Variants in RAD51B observed in about 807,000 individuals in gnomAD.
RAD51B encodes the protein DNA repair protein RAD51 homolog 2.
RAD51B carries 38 observed loss-of-function variants against 42.2 expected under a neutral mutation model. The ratio of observed to expected loss-of-function variants is 0.90; its 90% confidence interval spans 0.70 to 1.18. RAD51B has a LOEUF of 1.18. Among genes scored for constraint, RAD51B ranks in the 50% most tolerant of loss-of-function variants. The probability of loss-of-function intolerance (pLI) is 0.00; values close to 1 mark genes in which losing one functional copy is unlikely to be tolerated. For missense variants in RAD51B, 373 were observed against 400.7 expected (o/e 0.93, Z 0.59); for synonymous variants, 154 against 145.2 (o/e 1.06, Z -0.43).
intron 10 of RAD51B, among the ~76,000 whole-genome samples, chr14:68,641,744 A>C (rs1354547253): frequency 6.6e-6 from 1 of 152,010 alleles, no homozygotes; most frequent in Non-Finnish European, 1.5e-5. Flanking sequence ...AAAAAAATAC[A>C]GAGACAGGGT....
downstream of RAD51B, chr14:68,611,585 A>T: frequency 2.6e-6 from 1 of 384,642 alleles, no homozygotes; most frequent in East Asian, 4.3e-5. Flanking sequence ...ATATAGAAAT[A>T]AAACAAATCA....
At chr14:68,158,694 G>A (rs112521753) in intron 7 of RAD51B, among the ~76,000 whole-genome samples, 6 of 152,270 alleles carry the variant, frequency 3.9e-5, no homozygotes, top group African/African-American at 9.6e-5. Flanking sequence ...GTGGCATATC[G>A]TAATGAAAGA....
Position 67,890,325 on chromosome 14 carries a change from A to G in RAD51B, c.756+3121A>G, listed in dbSNP as rs145854052. ...CCTGATTTGCTCCAGGACACTCAACATAGGAAAGGACAAACAGTGGGTAGA... is the reference window on the plus strand; with the variant it reads ...CCTGATTTGCTCCAGGACACTCAACGTAGGAAAGGACAAACAGTGGGTAGA... On this transcript the variant is annotated intron_variant, in intron 7 of 10. Transcript: ENST00000471583. Among the ~76,000 whole-genome samples the G allele has an allele frequency of 8.5e-4, 130 of 152,106 alleles. 2 individuals are homozygous for G. The highest frequency in any genetic ancestry group is 8.2e-3 in the Admixed American group (125 of 15,280).
chr14:68,012,184 T>C (rs1391362984), intron 7 of RAD51B, among the ~76,000 whole-genome samples: 2 of 152,174 alleles, frequency 1.3e-5, no homozygotes, highest in East Asian at 3.8e-4. Context: ...CTTGTACTTT[T>C]AGTGGATAAT....
intron 10 of RAD51B, among the ~76,000 whole-genome samples, chr14:68,494,692 G>T (rs1594911183): frequency 2.0e-5 from 3 of 152,048 alleles, no homozygotes; most frequent in Admixed American, 1.3e-4. Context: ...AAAAATGAGG[G>T]CAGTGAGAAA....
At chr14:68,253,733 G>C (rs540391166) in intron 7 of RAD51B, among the ~76,000 whole-genome samples, 1 of 152,312 alleles carries the variant, frequency 6.6e-6, no homozygotes, top group Admixed American at 6.5e-5. Flanking sequence ...ACCCCCCTGT[G>C]GGGTAGGTAA....
downstream of RAD51B, among the ~76,000 whole-genome samples, chr14:68,479,661 A>C (rs1015384573): frequency 8.1e-5 from 10 of 123,392 alleles, no homozygotes; most frequent in African/African-American, 2.6e-4. Flanking sequence ...CTTTCTTCTT[A>C]TTCTTCTTTT....
At chr14:67,993,241 G>A (rs2075325269) in intron 7 of RAD51B, among the ~76,000 whole-genome samples, 2 of 151,964 alleles carry the variant, frequency 1.3e-5, no homozygotes. Flanking sequence ...AAAAATTATT[G>A]TAAACTATAC....
At chr14:67,994,087 A>T (rs1885697788) in intron 7 of RAD51B, among the ~76,000 whole-genome samples, 1 of 151,974 alleles carries the variant, frequency 6.6e-6, no homozygotes, top group Non-Finnish European at 1.5e-5. Flanking sequence ...TTGTTTTTTC[A>T]GGTTTCTGTT....
At chr14:68,380,730 C>G (rs2083462660) in intron 8 of RAD51B, among the ~76,000 whole-genome samples, 1 of 152,164 alleles carries the variant, frequency 6.6e-6, no homozygotes. Context: ...GATGTAATCC[C>G]AAATCTTTTG....
chr14:68,641,334 G>A (rs1459800499), intron 10 of RAD51B, among the ~76,000 whole-genome samples: 3 of 152,102 alleles, frequency 2.0e-5, no homozygotes, highest in African/African-American at 4.8e-5. Flanking sequence ...ATAATTGCTC[G>A]AAGTCCCAGG....
At chr14:68,430,387 A>C (rs1302997019) in intron 9 of RAD51B, among the ~76,000 whole-genome samples, 2 of 152,192 alleles carry the variant, frequency 1.3e-5, no homozygotes, top group African/African-American at 4.8e-5. Flanking sequence ...TGAGCATGGA[A>C]TGTTCTTCCA....
intron 8 of RAD51B, among the ~76,000 whole-genome samples, chr14:68,316,234 G>A (rs570266341): frequency 1.3e-5 from 2 of 152,330 alleles, no homozygotes; most frequent in South Asian, 4.1e-4. Context: ...ACCTACCCAA[G>A]GGAGTCTGAG....
rs541003335 is a variant in RAD51B at position 68,440,405 on chromosome 14, C to A, written c.958-27767C>A. ...GAAAAGTAGAAGTGGAAGAACTATA[C>A]TTCTGCCTTCTCATATTCTTCAGCA... On this transcript the variant is annotated intron_variant, in intron 9 of 10. Transcript: ENST00000471583. Among the ~76,000 whole-genome samples the A allele has an allele frequency of 2.0e-5, 3 of 152,306 alleles. No individual in the cohort carries two copies. In the South Asian group the frequency reaches 6.2e-4, roughly 32 times the overall value.
intron 9 of RAD51B, among the ~76,000 whole-genome samples, chr14:68,462,391 C>T (rs1031050065): frequency 4.6e-5 from 7 of 152,180 alleles, no homozygotes; most frequent in African/African-American, 1.7e-4. Context: ...CAGTGCCAAG[C>T]ACAAAGAAAA....
intron 7 of RAD51B, among the ~76,000 whole-genome samples, chr14:68,103,891 G>A (rs182367364): frequency 3.9e-5 from 6 of 152,252 alleles, no homozygotes; most frequent in Admixed American, 2.6e-4. Flanking sequence ...AATTTTGCAC[G>A]TTTAATATAG....
At chr14:68,062,414 G>T (rs938802059) in intron 7 of RAD51B, among the ~76,000 whole-genome samples, 1 of 152,178 alleles carries the variant, frequency 6.6e-6, no homozygotes, top group East Asian at 1.9e-4. Context: ...CTTATAGAAT[G>T]AGTTTTAAAG....
At chr14:68,357,351 G>A (rs908745964) in intron 8 of RAD51B, among the ~76,000 whole-genome samples, 3 of 152,036 alleles carry the variant, frequency 2.0e-5, no homozygotes, top group Non-Finnish European at 4.4e-5. Flanking sequence ...TGCTATTTCC[G>A]CCACATCTGC....
At chr14:68,092,629 A>G (rs545205825) in intron 7 of RAD51B, among the ~76,000 whole-genome samples, 90 of 152,314 alleles carry the variant, frequency 5.9e-4, no homozygotes, top group East Asian at 2.5e-3. Context: ...TAGATATACA[A>G]TCATGTCATC....
Sources: allele counts gnomAD v4.1 joint callset (sites outside exome capture counted in the v4.1 genomes callset), GRCh38; gene constraint gnomAD v4.1.1; transcripts MANE v1.5; gene names NCBI Gene and HGNC (gene_info 2026-07-23, HGNC 2026-07-21).